Variants in MSI2 observed in about 807,000 individuals in gnomAD.
MSI2 encodes RNA-binding protein Musashi homolog 2.
In MSI2, 17 loss-of-function variants were observed where a neutral mutation model predicts 45.6. The ratio of observed to expected loss-of-function variants is 0.37; its 90% CI spans 0.26 to 0.56. The LOEUF is 0.56. Among genes scored for constraint, MSI2 ranks in the 20% least tolerant of loss-of-function variants. The probability of loss-of-function intolerance (pLI) is 0.77; values close to 1 mark genes in which losing one functional copy is unlikely to be tolerated. For synonymous variants in MSI2, 156 were observed against 158.2 expected (o/e 0.99, Z 0.11); for missense variants, 293 against 444.2 (o/e 0.66, Z 3.06).
chr17:57,537,366 G>C (rs1232200807), intron 7 of MSI2, among the ~76,000 whole-genome samples: 4 of 152,202 alleles, frequency 2.6e-5, no homozygotes, highest in East Asian at 3.8e-4. Flanking sequence ...GGCAAAGGAG[G>C]GGGTGGGATA....
intron 7 of MSI2, among the ~76,000 whole-genome samples, chr17:57,562,789 T>C (rs192536963): frequency 0.012 from 1,862 of 152,202 alleles, 42 homozygotes; most frequent in African/African-American, 0.042. Context: ...CGGACTATTT[T>C]TTTTTCCTTT....
At chr17:57,425,149 G>T (rs2084468012) in intron 6 of MSI2, among the ~76,000 whole-genome samples, 1 of 152,130 alleles carries the variant, frequency 6.6e-6, no homozygotes, top group Non-Finnish European at 1.5e-5. Flanking sequence ...GAAGAGGGGA[G>T]GGCCAGGGTT....
intron 10 of MSI2, among the ~76,000 whole-genome samples, chr17:57,645,443 T>G (rs9900583): frequency 0.67 from 100,512 of 150,862 alleles, 33,959 homozygotes; most frequent in African/African-American, 0.74. Flanking sequence ...GTTTTTTGGT[T>G]TTTTTTTTTT....
chr17:57,504,378 G>C (rs2086182454), intron 6 of MSI2, among the ~76,000 whole-genome samples: 1 of 152,218 alleles, frequency 6.6e-6, no homozygotes, highest in African/African-American at 2.4e-5. Context: ...AAGGGCTGGA[G>C]AGAATTCAGT....
chr17:57,263,885 A>C (rs1412721283), intron 5 of MSI2: 1 of 152,204 alleles, frequency 6.6e-6, no homozygotes, highest in Non-Finnish European at 1.5e-5. Context: ...ACATCTTTCC[A>C]TGAATTCTAG....
intron 9 of MSI2, among the ~76,000 whole-genome samples, chr17:57,619,730 C>T (rs913412187): frequency 7.2e-5 from 11 of 152,128 alleles, no homozygotes; most frequent in Non-Finnish European, 8.8e-5. Flanking sequence ...CTGGTCCCTG[C>T]GCTTATCTGG....
At position 57,401,412 on chromosome 17, in the gene MSI2, G is replaced by A. The variant is rs369720643; in HGVS notation, c.346G>A (p.Gly116Arg). ...AAGAACAAAGAAAATATTTGTAGGCGGGTTATCTGCGAACACAGTAGTGGA... is the reference window on the plus strand; with the variant it reads ...AAGAACAAAGAAAATATTTGTAGGCAGGTTATCTGCGAACACAGTAGTGGA... ...VTRTKKIFVGGLSANTVVEDV... is the reference protein window; with the variant it reads ...VTRTKKIFVGRLSANTVVEDV... Residue 116 changes from glycine (G) to arginine (R), a missense_variant, in exon 6 of 14, where the codon GGG (glycine) becomes AGG (arginine). Gly to Arg is a moderately radical substitution (Grantham distance 125). Coordinates refer to ENST00000284073, the MANE Select transcript of MSI2 (RefSeq NM_138962.4). The A allele has an allele frequency of 2.5e-6, 4 of 1,614,146 alleles. No individual in the cohort carries two copies. Among genetic ancestry groups the A allele is most frequent in the Non-Finnish European group, 3.4e-6 (4 of 1,179,996 alleles).
At chr17:57,566,130 G>C (rs915243851) in intron 7 of MSI2, 1 of 152,124 alleles carries the variant, frequency 6.6e-6, no homozygotes, top group East Asian at 1.9e-4. Context: ...GAGAAATCGA[G>C]AAGTAGCACG....
chr17:57,515,290 G>A lies in MSI2; in HGVS notation c.406-14386G>A, dbSNP rs184115480. Among the ~76,000 whole-genome samples, 764 of 152,136 alleles carry A rather than the reference G, an allele frequency of 5.0e-3. 2 individuals are homozygous for A. The highest frequency in any genetic ancestry group is 7.2e-3 in the Non-Finnish European group (489 of 67,980). Reference sequence around the variant, plus strand: ...ATGATCTCGGCTCGCCGCAACCTCCGCCTCCCGGGTTTAAGCAATTCTCCT... The same window carrying A: ...ATGATCTCGGCTCGCCGCAACCTCCACCTCCCGGGTTTAAGCAATTCTCCT... On this transcript the variant is annotated intron_variant, in intron 6 of 13. Coordinates refer to ENST00000284073, the MANE Select transcript of MSI2 (RefSeq NM_138962.4).
intron 6 of MSI2, among the ~76,000 whole-genome samples, chr17:57,499,376 A>T (rs58890374): frequency 0.18 from 664 of 3,628 alleles, 6 homozygotes; most frequent in African/African-American, 0.43. Flanking sequence ...ATTCTGTCTT[A>T]AAAAAAAAAA....
chr17:57,480,795 T>C (rs1409667174), intron 6 of MSI2, among the ~76,000 whole-genome samples: 1 of 152,238 alleles, frequency 6.6e-6, no homozygotes, highest in East Asian at 1.9e-4. Context: ...TGAGTTAGTT[T>C]TCATGCCAGC....
At chr17:57,547,741 TACACACACACACACACACACACACAC>T (rs34631177) in intron 7 of MSI2, among the ~76,000 whole-genome samples, 1 of 123,314 alleles carries the variant, frequency 8.1e-6, no homozygotes, top group Non-Finnish European at 1.8e-5. Flanking sequence ...AGACAAAAAG[TACACACACACACACACACACACACAC>T]ACACACACAC....
chr17:57,440,412 C>CTGTGTGTG, intron 6 of MSI2, among the ~76,000 whole-genome samples: 1 of 54,858 alleles, frequency 1.8e-5, no homozygotes, highest in East Asian at 8.0e-4. Flanking sequence ...GGTTTGTTAT[C>CTGTGTGTG]CGTGTGTGTG....
chr17:57,259,436 C>T (rs901978887), intron 4 of MSI2, among the ~76,000 whole-genome samples: 1 of 152,210 alleles, frequency 6.6e-6, no homozygotes, highest in African/African-American at 2.4e-5. Context: ...CCCCTTTTGG[C>T]TTTAACATTG....
intron 6 of MSI2, among the ~76,000 whole-genome samples, chr17:57,466,430 C>G (rs1247405303): frequency 6.6e-6 from 1 of 152,128 alleles, no homozygotes; most frequent in Non-Finnish European, 1.5e-5. Flanking sequence ...CATTGTTGCC[C>G]AAGACTGTGC....
At chr17:57,334,179 G>A (rs1240921488) in intron 5 of MSI2, among the ~76,000 whole-genome samples, 10 of 152,170 alleles carry the variant, frequency 6.6e-5, no homozygotes, top group Admixed American at 6.5e-4. Flanking sequence ...TTTGAAATAA[G>A]ATAACCAAAG....
chr17:57,528,025 G>A (rs1269832226), intron 6 of MSI2, among the ~76,000 whole-genome samples: 2 of 152,068 alleles, frequency 1.3e-5, no homozygotes, highest in African/African-American at 4.8e-5. Context: ...GCACATCAAC[G>A]GTGCTCAGTC....
chr17:57,515,112 G>A (rs1412790776), intron 6 of MSI2, among the ~76,000 whole-genome samples: 1 of 152,214 alleles, frequency 6.6e-6, no homozygotes, highest in African/African-American at 2.4e-5. Context: ...TAAGGTCTGT[G>A]TTTCAAAAAT....
chr17:57,309,524 G>A (rs758202437), intron 5 of MSI2, among the ~76,000 whole-genome samples: 4 of 152,170 alleles, frequency 2.6e-5, no homozygotes, highest in Admixed American at 6.5e-5. Context: ...ATATTGGGGC[G>A]GGAGGACTTT....
Sources: gnomAD v4.1 joint callset for allele counts (sites outside exome capture counted in the v4.1 genomes callset) on GRCh38, gnomAD v4.1.1 for gene constraint, MANE v1.5 for transcripts, NCBI Gene and HGNC (gene_info 2026-07-23, HGNC 2026-07-21) for gene names.